The following RBL1 variants were observed in gnomAD, a reference collection of about 807,000 sequenced individuals.
RBL1 encodes the protein retinoblastoma-like protein 1.
Under a neutral mutation model 123.0 loss-of-function variants are expected in RBL1, and 82 were observed. The ratio of observed to expected loss-of-function variants is 0.67; its 90% CI spans 0.56 to 0.80. RBL1 has a LOEUF of 0.80. Ranked by LOEUF, RBL1 falls within the 30% of genes least tolerant of loss-of-function variation. RBL1 has a pLI of 0.00. For missense variants in RBL1, 1,171 were observed against 1,299.6 expected (o/e 0.90, Z 1.52); for synonymous variants, 405 against 441.3 (o/e 0.92, Z 1.03).
At chr20:37,024,567 C>T (rs564779450) in intron 16 of RBL1, among the ~76,000 whole-genome samples, 3 of 152,094 alleles carry the variant, frequency 2.0e-5, no homozygotes, top group Non-Finnish European at 4.4e-5. Context: ...CATAGATAAT[C>T]GTTATAATTT....
Position 37,077,707 on chromosome 20 carries a change from A to G in RBL1, c.291-9521T>C, listed in dbSNP as rs1013736684. Among the ~76,000 whole-genome samples, 5 of 151,974 alleles carry G rather than the reference A, an allele frequency of 3.3e-5. No individual in the cohort carries two copies. The South Asian group carries it at 6.2e-4, about 19-fold the overall frequency. On this transcript the variant is annotated intron_variant, in intron 2 of 21. Transcript: ENST00000373664. ...TAATCCTAGTTATTGCAATATACAT[A>G]TAATTTTTTTCTGAACCATTTGAGA...
rs924849064 is a variant in RBL1, at chr20:37,060,250, C to T, written c.1250+853G>A. On this transcript the variant is annotated intron_variant, in intron 9 of 21. Coordinates refer to ENST00000373664, the MANE Select transcript of RBL1 (RefSeq NM_002895.5). Reference sequence around the variant, plus strand: ...GCTGTACCACCAATATGCAATTAGTCCCCTATCTAATGGACATTTAGAATG... The same window carrying T: ...GCTGTACCACCAATATGCAATTAGTTCCCTATCTAATGGACATTTAGAATG... Among the ~76,000 whole-genome samples, 5 of 151,988 alleles carry T rather than the reference C, an allele frequency of 3.3e-5. No individual in the cohort carries two copies. In the East Asian group the frequency reaches 9.6e-4, roughly 29 times the overall value.
chr20:37,065,415 G>T lies in RBL1; in HGVS notation c.896+9C>A, dbSNP rs544515689. 3.2e-6 allele frequency: 5 copies of T among 1,562,726 alleles called. No individual in the cohort carries two copies. The highest frequency in any genetic ancestry group is 4.4e-6 in the Non-Finnish European group (5 of 1,143,446). ...GATAAGCCAGGCACCATTAGTACTA[G>T]ATATTTACCTATTATCAGTAAAACT... On this transcript the variant is annotated intron_variant, in intron 7 of 21. Coordinates refer to ENST00000373664, the MANE Select transcript of RBL1 (RefSeq NM_002895.5).
chr20:37,081,265 C>T (rs1304600088), intron 2 of RBL1, among the ~76,000 whole-genome samples: 3 of 152,154 alleles, frequency 2.0e-5, no homozygotes, highest in Non-Finnish European at 4.4e-5. Flanking sequence ...GAGATATTGA[C>T]TTAAACATGA....
At chr20:36,999,751 C>G (rs1425231390) in intron 21 of RBL1, among the ~76,000 whole-genome samples, 3 of 152,246 alleles carry the variant, frequency 2.0e-5, no homozygotes, top group East Asian at 1.9e-4. Flanking sequence ...GCCTCGGCCT[C>G]CCGAGGTGCC....
chr20:37,024,858 G>T (rs117015626), intron 16 of RBL1, among the ~76,000 whole-genome samples: 1,554 of 152,290 alleles, frequency 0.01, 13 homozygotes, highest in Non-Finnish European at 0.017. Context: ...ACAGTCCTTA[G>T]GCATAGGAGG....
At chr20:37,075,359 A>G (rs1326507534) in intron 2 of RBL1, among the ~76,000 whole-genome samples, 1 of 152,234 alleles carries the variant, frequency 6.6e-6, no homozygotes, top group Non-Finnish European at 1.5e-5. Context: ...ATGGTATGTC[A>G]TAATATCTCA....
chr20:37,005,234 C>CT (rs2146201122), intron 20 of RBL1, among the ~76,000 whole-genome samples: 1 of 152,162 alleles, frequency 6.6e-6, no homozygotes, highest in South Asian at 2.1e-4. Context: ...TGGTGAAACT[C>CT]TGTCTCTACT....
chr20:37,025,674 G>A (rs115903210), intron 16 of RBL1, among the ~76,000 whole-genome samples: 2,435 of 152,210 alleles, frequency 0.016, 61 homozygotes, highest in African/African-American at 0.054. Context: ...TATCTGGAAG[G>A]GAAGCAGTCA....
chr20:37,000,831 T>C (rs536562594), intron 21 of RBL1, among the ~76,000 whole-genome samples: 1,148 of 64,882 alleles, frequency 0.018, no homozygotes, highest in African/African-American at 0.023. Context: ...CGCCTCTGCC[T>C]GGCCGCCCCT....
chr20:37,088,055 G>A (rs1302149544), intron 2 of RBL1, among the ~76,000 whole-genome samples: 18 of 152,000 alleles, frequency 1.2e-4, no homozygotes, highest in Admixed American at 8.5e-4. Context: ...ACCTGAGGTC[G>A]GGAGTTCGAG....
At chr20:37,054,028 T>TACACACAC (rs55898438) in intron 11 of RBL1, among the ~76,000 whole-genome samples, 145 of 146,954 alleles carry the variant, frequency 9.9e-4, no homozygotes, top group Middle Eastern at 6.9e-3. Flanking sequence ...TACAATTTTA[T>TACACACAC]ACACACACAC....
intron 9 of RBL1, 28 bp downstream of exon 9, chr20:37,061,075 T>C (rs1046752502): frequency 1.3e-6 from 2 of 1,495,798 alleles, no homozygotes; most frequent in African/African-American, 1.4e-5. Flanking sequence ...TAAAAAGACA[T>C]TTGGAAAAAT....
Position 37,035,527 on chromosome 20 carries a change from T to G in RBL1, c.1904-19A>C. ...TGCATATCTAAAAAAAAATAATAAA[T>G]TTAAAACAGAAATGTATTCCAAAAT... On this transcript the variant is annotated intron_variant, in intron 14 of 21. Coordinates refer to ENST00000373664, the MANE Select transcript of RBL1 (RefSeq NM_002895.5). The G allele has an allele frequency of 6.6e-7, 1 of 1,510,556 alleles. No individual in the cohort carries two copies. Among genetic ancestry groups the G allele is most frequent in the Non-Finnish European group, 8.9e-7 (1 of 1,126,862 alleles). The allele number at this position is 1,510,556 out of a possible 1,614,324, so 93.6% of individuals were successfully genotyped here. A position where few individuals can be genotyped will look rare whatever the true frequency, so the allele number is the denominator to read the frequency against.
intron 3 of RBL1, among the ~76,000 whole-genome samples, chr20:37,067,718 C>G (rs139333101): frequency 5.3e-4 from 73 of 137,364 alleles, no homozygotes; most frequent in Non-Finnish European, 9.1e-4. Context: ...TGCAGTGAGC[C>G]GAGATCAGGA....
At chr20:37,090,549 A>T (rs554124795) in intron 1 of RBL1, among the ~76,000 whole-genome samples, 10 of 152,314 alleles carry the variant, frequency 6.6e-5, no homozygotes, top group African/African-American at 2.4e-4. Flanking sequence ...ATCTTACGCA[A>T]CATGAAGGAG....
At position 37,022,861 on chromosome 20, in the gene RBL1, C is replaced by A. The variant is rs756290999; in HGVS notation, c.2383-35G>T. 4.0e-6 allele frequency: 6 copies of A among 1,492,894 alleles called. No individual in the cohort carries two copies. In the South Asian group the frequency reaches 7.5e-5, roughly 19 times the overall value. 92.5% of individuals were successfully genotyped at this position (1,492,894 alleles called of 1,614,324 possible). A position where few individuals can be genotyped will look rare whatever the true frequency, so the allele number is the denominator to read the frequency against. Reference sequence around the variant, plus strand: ...AAGGTAACACATTGATGCAAAACACCAAGTAAATCATTTCTCAAATTTTTA... The same window carrying A: ...AAGGTAACACATTGATGCAAAACACAAAGTAAATCATTTCTCAAATTTTTA... On this transcript the variant is annotated intron_variant, in intron 16 of 21. Transcript: ENST00000373664.
At chr20:37,083,573 T>C (rs980655297) in intron 2 of RBL1, among the ~76,000 whole-genome samples, 1 of 137,244 alleles carries the variant, frequency 7.3e-6, no homozygotes, top group East Asian at 2.1e-4. Flanking sequence ...GATCACAAGG[T>C]TAGGAGTTCA....
intron 12 of RBL1, among the ~76,000 whole-genome samples, chr20:37,045,071 C>CATTT (rs1194375891): frequency 5.6e-4 from 80 of 142,706 alleles, no homozygotes; most frequent in South Asian, 8.8e-4. Context: ...TTAATATTCA[C>CATTT]ATTTATTTAC....
Sources: allele counts gnomAD v4.1 joint callset (sites outside exome capture counted in the v4.1 genomes callset), GRCh38; gene constraint gnomAD v4.1.1; transcripts MANE v1.5; gene names NCBI Gene and HGNC (gene_info 2026-07-23, HGNC 2026-07-21).